The following BRINP2 variants were observed in gnomAD, a reference collection of about 807,000 sequenced individuals.
The protein encoded by BRINP2 is BMP/retinoic acid inducible neural specific 2, also known as BMP/retinoic acid-inducible neural-specific protein 2.
Under a neutral mutation model 69.2 loss-of-function variants are expected in BRINP2, and 21 were observed. That is an observed-to-expected ratio of 0.30 (90% CI 0.22 to 0.44). BRINP2 has a LOEUF of 0.44. BRINP2 is among the 20% of genes least tolerant of loss of function. BRINP2 has a pLI of 1.00. For synonymous variants in BRINP2, 380 were observed against 394.1 expected, an observed-to-expected ratio of 0.96 and a Z score of 0.42; for missense variants, 877 against 986.0, an observed-to-expected ratio of 0.89 and a Z score of 1.48.
intron 2 of BRINP2, among the ~76,000 whole-genome samples, chr1:177,234,966 C>T (rs1464754316): frequency 2.0e-5 from 3 of 152,068 alleles, no homozygotes; most frequent in Non-Finnish European, 4.4e-5. Context: ...GAGCAACAAC[C>T]CTAAGAAAGA....
Position 177,280,653 on chromosome 1 carries a change from C to T in BRINP2, c.1477C>T (p.Pro493Ser), listed in dbSNP as rs574186960. 2 of 1,614,198 alleles carry T rather than the reference C, an allele frequency of 1.2e-6. No homozygotes were observed. The highest frequency in any genetic ancestry group is 2.2e-5 in the South Asian group (2 of 91,080). ...TGTGCTGGCCCAGGGGCTGTGCCGGCCAGAGGTGGCCGAGTCCCTGGAAAA... is the reference window on the plus strand; with the variant it reads ...TGTGCTGGCCCAGGGGCTGTGCCGGTCAGAGGTGGCCGAGTCCCTGGAAAA... ...GYVLAQGLCR[P>S]EVAESLENFL... is the part of the protein sequence containing the mutation. The change falls in exon 8 of 8, where the codon CCA becomes TCA. Residue 493 changes from proline to serine, a missense_variant. By Grantham distance (74) the Pro-to-Ser change is moderately conservative. Coordinates refer to ENST00000361539, the MANE Select transcript of BRINP2 (RefSeq NM_021165.4).
intron 1 of BRINP2, among the ~76,000 whole-genome samples, chr1:177,222,143 C>G (rs1649556303): frequency 6.6e-6 from 1 of 152,138 alleles, no homozygotes; most frequent in Non-Finnish European, 1.5e-5. Flanking sequence ...CCTTTTTAAG[C>G]TTCAGTTTTC....
At position 177,253,007 on chromosome 1, in the gene BRINP2, A is replaced by G. The variant is rs1239585204; in HGVS notation, c.270-2912A>G. On this transcript the variant is annotated intron_variant, in intron 2 of 7. Coordinates refer to ENST00000361539, the MANE Select transcript of BRINP2 (RefSeq NM_021165.4). ...TGTTTTGAATGGTGCTGCAATAAAC[A>G]TGAGGGTGCAGATATCTCTTTGATA... Among the ~76,000 whole-genome samples the G allele has an allele frequency of 2.6e-5, 4 of 152,146 alleles. No homozygotes were observed. The East Asian group carries it at 7.7e-4, about 29-fold the overall frequency.
chr1:177,177,669 G>A (rs758992908), intron 1 of BRINP2, among the ~76,000 whole-genome samples: 3 of 150,910 alleles, frequency 2.0e-5, no homozygotes, highest in East Asian at 1.9e-4. Flanking sequence ...CTTACTGTTC[G>A]TACATGTTAA....
rs531306415 is a variant in BRINP2 at position 177,270,725 on chromosome 1, G to A, written c.670-2763G>A. Among the ~76,000 whole-genome samples, 7 of 152,318 alleles carry A rather than the reference G, an allele frequency of 4.6e-5. No homozygotes were observed. The East Asian group carries it at 1.4e-3, about 29-fold the overall frequency. The stretch of plus-strand genomic sequence containing the variant: ...CAGTGAAAAACCCAATGACGACGGA[G>A]TGGGCAGCTTACCTGTAGGCAGGGA... On this transcript the variant is annotated intron_variant, in intron 4 of 7. Coordinates refer to ENST00000361539, the MANE Select transcript of BRINP2 (RefSeq NM_021165.4).
chr1:177,226,891 G>A (rs1649708371), intron 1 of BRINP2, among the ~76,000 whole-genome samples: 1 of 152,016 alleles, frequency 6.6e-6, no homozygotes, highest in African/African-American at 2.4e-5. Context: ...CCATATGGCT[G>A]TTTGCTACTC....
chr1:177,175,994 C>G (rs1168610952), intron 1 of BRINP2, among the ~76,000 whole-genome samples: 2 of 152,180 alleles, frequency 1.3e-5, no homozygotes, highest in African/African-American at 4.8e-5. Context: ...ATGCTTCAAA[C>G]TGGGGACTAT....
intron 1 of BRINP2, among the ~76,000 whole-genome samples, chr1:177,196,469 T>C (rs1221911178): frequency 2.0e-5 from 3 of 151,836 alleles, no homozygotes; most frequent in Non-Finnish European, 4.4e-5. Context: ...AATACAAAAA[T>C]TTGCTGAATG....
intron 1 of BRINP2, among the ~76,000 whole-genome samples, chr1:177,175,733 C>T (rs775739696): frequency 1.1e-4 from 17 of 152,276 alleles, no homozygotes; most frequent in Admixed American, 7.2e-4. Context: ...GGAGTTTATT[C>T]GGGGAACAGG....
At chr1:177,226,946 C>T (rs1558166713) in intron 1 of BRINP2, among the ~76,000 whole-genome samples, 2 of 152,206 alleles carry the variant, frequency 1.3e-5, no homozygotes, top group Non-Finnish European at 2.9e-5. Flanking sequence ...TCTAAAGGCT[C>T]ACCTGAGTAG....
intron 2 of BRINP2, among the ~76,000 whole-genome samples, chr1:177,243,092 A>T (rs1372958868): frequency 6.6e-6 from 1 of 152,144 alleles, no homozygotes; most frequent in East Asian, 1.9e-4. Context: ...CTAAATGCTT[A>T]TTCATTTTGT....
chr1:177,171,116 G>A lies in BRINP2; in HGVS notation c.-693G>A, dbSNP rs145019681. ...CGGAGGATCCCATTAGGACTTGCCC[G>A]GGGATGTGCACCTGCCGTGCGCTCC... is the stretch of plus-strand genomic sequence containing the variant. On this transcript the variant is annotated 5_prime_UTR_variant, in exon 1 of 8. Coordinates refer to ENST00000361539, the MANE Select transcript of BRINP2 (RefSeq NM_021165.4). Among the ~76,000 whole-genome samples, 62 of 152,344 alleles carry A rather than the reference G, an allele frequency of 4.1e-4. No individual in the cohort carries two copies. The highest frequency in any genetic ancestry group is 7.5e-4 in the African/African-American group (31 of 41,572).
At chr1:177,196,225 G>A (rs1648739507) in intron 1 of BRINP2, among the ~76,000 whole-genome samples, 1 of 152,170 alleles carries the variant, frequency 6.6e-6, no homozygotes, top group Non-Finnish European at 1.5e-5. Flanking sequence ...ATATACCTTA[G>A]AATCACCTAA....
intron 1 of BRINP2, among the ~76,000 whole-genome samples, chr1:177,220,491 C>T (rs997369114): frequency 2.6e-5 from 4 of 152,032 alleles, no homozygotes; most frequent in Non-Finnish European, 4.4e-5. Flanking sequence ...TGTGCCTGTA[C>T]CCCCTTCACC....
intron 1 of BRINP2, among the ~76,000 whole-genome samples, chr1:177,200,957 C>G (rs1486434687): frequency 6.6e-6 from 1 of 151,834 alleles, no homozygotes; most frequent in African/African-American, 2.4e-5. Context: ...AACCAAATAC[C>G]GTATGTTCTC....
intron 2 of BRINP2, among the ~76,000 whole-genome samples, chr1:177,250,561 G>A (rs527806259): frequency 2.2e-4 from 34 of 152,218 alleles, no homozygotes; most frequent in African/African-American, 7.7e-4. Context: ...TCCTGACCTC[G>A]TGATCCACCC....
chr1:177,216,246 G>A (rs546855432), intron 1 of BRINP2, among the ~76,000 whole-genome samples: 3 of 151,908 alleles, frequency 2.0e-5, no homozygotes, highest in South Asian at 4.2e-4. Flanking sequence ...TATGTATTTT[G>A]TTTTCTTTTG....
At chr1:177,261,591 A>G (rs1650956498) in intron 4 of BRINP2, among the ~76,000 whole-genome samples, 1 of 152,258 alleles carries the variant, frequency 6.6e-6, no homozygotes, top group Non-Finnish European at 1.5e-5. Context: ...CAGACATCTT[A>G]CTAGAGAAAT....
intron 1 of BRINP2, among the ~76,000 whole-genome samples, chr1:177,213,401 G>C (rs1272609745): frequency 3.3e-5 from 5 of 151,926 alleles, no homozygotes; most frequent in African/African-American, 1.2e-4. Flanking sequence ...AGGTCTCCTG[G>C]GGGCAAAATC....
Sources: allele counts gnomAD v4.1 joint callset (sites outside exome capture counted in the v4.1 genomes callset), GRCh38; gene constraint gnomAD v4.1.1; transcripts MANE v1.5; gene names NCBI Gene and HGNC (gene_info 2026-07-23, HGNC 2026-07-21).